The following SNTG2 variants were observed in gnomAD, a reference collection of about 807,000 sequenced individuals.
The protein encoded by SNTG2 is syntrophin gamma 2.
Under a neutral mutation model 70.9 loss-of-function variants are expected in SNTG2, and 74 were observed. The observed-to-expected ratio is 1.04, with a 90% confidence interval of 0.86 to 1.27. The LOEUF (loss-of-function observed/expected upper bound fraction) is 1.27, where lower values mean the gene tolerates loss of function less well. Ranked by LOEUF, SNTG2 falls within the 50% of genes most tolerant of loss-of-function variation. The pLI, the probability that SNTG2 is intolerant of heterozygous loss-of-function variation, is 0.00. For missense variants in SNTG2, 717 were observed against 690.7 expected (o/e 1.04, Z -0.43); for synonymous variants, 278 against 273.8 (o/e 1.02, Z -0.15).
At chr2:1,017,297 C>T (rs938330501) in intron 1 of SNTG2, among the ~76,000 whole-genome samples, 2 of 152,140 alleles carry the variant, frequency 1.3e-5, no homozygotes, top group African/African-American at 4.8e-5. Flanking sequence ...ATGAAATTGA[C>T]TCTGTAAAGC....
intron 9 of SNTG2, among the ~76,000 whole-genome samples, chr2:1,223,459 C>T (rs1219902200): frequency 6.6e-6 from 1 of 152,026 alleles, no homozygotes; most frequent in Non-Finnish European, 1.5e-5. Flanking sequence ...TGTGTCTCTG[C>T]CAACTGCGTC....
intron 8 of SNTG2, among the ~76,000 whole-genome samples, chr2:1,189,190 A>G (rs28445986): frequency 0.023 from 3,530 of 152,310 alleles, 131 homozygotes; most frequent in African/African-American, 0.079. Flanking sequence ...GTTAAAATAT[A>G]AATAAAGTAT....
intron 13 of SNTG2, among the ~76,000 whole-genome samples, chr2:1,267,114 A>G (rs530020223): frequency 6.6e-6 from 1 of 152,332 alleles, no homozygotes; most frequent in African/African-American, 2.4e-5. Context: ...TGTGGTGACC[A>G]GTATTTTAAG....
chr2:1,218,209 G>A (rs923490613), intron 9 of SNTG2, among the ~76,000 whole-genome samples: 6 of 152,058 alleles, frequency 3.9e-5, no homozygotes, highest in African/African-American at 7.2e-5. Flanking sequence ...AGACCCAGAC[G>A]TAAAGGGCCA....
chr2:984,681 C>T (rs1661247161), intron 1 of SNTG2, among the ~76,000 whole-genome samples: 1 of 152,156 alleles, frequency 6.6e-6, no homozygotes, highest in Non-Finnish European at 1.5e-5. Context: ...CCATCATCAG[C>T]GGCCTCCATG....
intron 6 of SNTG2, among the ~76,000 whole-genome samples, chr2:1,162,037 G>T (rs184460918): frequency 1.6e-5 from 2 of 123,980 alleles, no homozygotes; most frequent in African/African-American, 3.1e-5. Flanking sequence ...TGGCGCCACT[G>T]CACTCCAGCC....
intron 9 of SNTG2, among the ~76,000 whole-genome samples, chr2:1,236,893 T>C (rs887167240): frequency 6.6e-6 from 1 of 152,232 alleles, no homozygotes; most frequent in Non-Finnish European, 1.5e-5. Flanking sequence ...GTTAGCTGCT[T>C]GAGACCATGG....
At chr2:981,610 C>T (rs1661098773) in intron 1 of SNTG2, among the ~76,000 whole-genome samples, 1 of 152,144 alleles carries the variant, frequency 6.6e-6, no homozygotes, top group South Asian at 2.1e-4. Flanking sequence ...CACACATATG[C>T]ACATATGCAT....
At chr2:1,193,863 C>T (rs541478759) in intron 8 of SNTG2, among the ~76,000 whole-genome samples, 2 of 152,374 alleles carry the variant, frequency 1.3e-5, no homozygotes, top group Non-Finnish European at 2.9e-5. Flanking sequence ...CAAAACAAAA[C>T]AACTTCTCAC....
At chr2:1,194,136 A>G (rs1467708802) in intron 8 of SNTG2, among the ~76,000 whole-genome samples, 2 of 152,126 alleles carry the variant, frequency 1.3e-5, no homozygotes, top group South Asian at 2.1e-4. Flanking sequence ...TCCACTTTTC[A>G]TTTTTTATCA....
chr2:1,121,259 G>C (rs995528897), intron 4 of SNTG2, among the ~76,000 whole-genome samples: 17 of 152,028 alleles, frequency 1.1e-4, no homozygotes, highest in African/African-American at 4.1e-4. Flanking sequence ...CGCAAAAACA[G>C]TTGTGAGAAG....
intron 8 of SNTG2, among the ~76,000 whole-genome samples, chr2:1,205,717 C>T (rs1235969897): frequency 3.3e-5 from 5 of 152,148 alleles, no homozygotes; most frequent in East Asian, 1.9e-4. Context: ...CTCCATTCTT[C>T]GAAACACGTG....
intron 14 of SNTG2, among the ~76,000 whole-genome samples, chr2:1,298,614 T>G (rs779334591): frequency 9.9e-5 from 15 of 152,202 alleles, no homozygotes; most frequent in Admixed American, 2.6e-4. Context: ...CTTCCCTGGG[T>G]CCCTTCTTCC....
rs190193668 is a variant in SNTG2 at position 1,285,487 on chromosome 2, C to T, written c.1284+17916C>T. On this transcript the variant is annotated intron_variant, in intron 14 of 16. Transcript: ENST00000308624. ...CAACTTTCCTTGGTAGGACTGGAAACGCACCAATCCCCAACCCAAATACTA... is the reference window on the plus strand; with the variant it reads ...CAACTTTCCTTGGTAGGACTGGAAATGCACCAATCCCCAACCCAAATACTA... 5.9e-5 allele frequency among the ~76,000 whole-genome samples: 9 copies of T among 152,234 alleles called. No individual in the cohort carries two copies. In the East Asian group the frequency reaches 1.4e-3, roughly 23 times the overall value.
intron 6 of SNTG2, among the ~76,000 whole-genome samples, chr2:1,149,572 G>C (rs1669328385): frequency 6.6e-6 from 1 of 152,120 alleles, no homozygotes; most frequent in South Asian, 2.1e-4. Flanking sequence ...GAATCTATGA[G>C]CAGCAGTGGT....
intron 14 of SNTG2, among the ~76,000 whole-genome samples, chr2:1,300,693 C>G (rs1680424086): frequency 6.6e-6 from 1 of 152,106 alleles, no homozygotes; most frequent in Non-Finnish European, 1.5e-5. Flanking sequence ...TTAATTCCAG[C>G]TCTTCATTTG....
chr2:1,266,291 T>G (rs1382337658), intron 13 of SNTG2, among the ~76,000 whole-genome samples: 1 of 152,130 alleles, frequency 6.6e-6, no homozygotes, highest in Non-Finnish European at 1.5e-5. Flanking sequence ...GGACCCCCAG[T>G]CTTTCTCTTC....
chr2:1,055,013 ACCT>A (rs1420558162), intron 1 of SNTG2, among the ~76,000 whole-genome samples: 1 of 151,446 alleles, frequency 6.6e-6, no homozygotes, highest in Non-Finnish European at 1.5e-5. Context: ...ATTGCCTCTC[ACCT>A]CCTCTATCCA....
intron 4 of SNTG2, among the ~76,000 whole-genome samples, chr2:1,121,496 T>C (rs1240461258): frequency 1.3e-5 from 2 of 152,204 alleles, no homozygotes; most frequent in African/African-American, 4.8e-5. Flanking sequence ...ACTCTTCATC[T>C]GTATTAGTCC....
Sources: gnomAD v4.1 joint callset for allele counts (sites outside exome capture counted in the v4.1 genomes callset) on GRCh38, gnomAD v4.1.1 for gene constraint, MANE v1.5 for transcripts, NCBI Gene and HGNC (gene_info 2026-07-23, HGNC 2026-07-21) for gene names.